VGLL4: variants seen among roughly 807,000 people sequenced by gnomAD.
The protein encoded by VGLL4 is transcription cofactor vestigial-like protein 4.
In VGLL4, 7 loss-of-function variants were observed where a neutral mutation model predicts 21.0. The ratio of observed to expected loss-of-function variants is 0.33; its 90% CI spans 0.19 to 0.63. The LOEUF is 0.63. Ranked by LOEUF, VGLL4 falls within the 20% of genes least tolerant of loss-of-function variation. VGLL4 has a pLI of 0.78. For missense variants in VGLL4, 394 were observed against 425.7 expected (o/e 0.93, Z 0.66); for synonymous variants, 222 against 173.2 (o/e 1.28, Z -2.21).
chr3:11,716,785 T>C (rs2076924445), intron 1 of VGLL4, among the ~76,000 whole-genome samples: 1 of 152,156 alleles, frequency 6.6e-6, no homozygotes, highest in African/African-American at 2.4e-5. Context: ...CTAGTTCTTA[T>C]GATACTGGGT....
At chr3:11,559,659 C>T (rs2072787839) in intron 3 of VGLL4, among the ~76,000 whole-genome samples, 1 of 152,206 alleles carries the variant, frequency 6.6e-6, no homozygotes, top group African/African-American at 2.4e-5. Context: ...TGTAGTGGCC[C>T]TTGGTCGTGG....
chr3:11,575,140 G>A (rs528907323), intron 2 of VGLL4, among the ~76,000 whole-genome samples: 113 of 152,320 alleles, frequency 7.4e-4, no homozygotes, highest in African/African-American at 2.6e-3. Flanking sequence ...GTGGCTGGCA[G>A]GTGGCAGAGT....
At chr3:11,644,197 C>T (rs766652016), upstream of VGLL4, among the ~76,000 whole-genome samples, 7 of 152,136 alleles carry the variant, frequency 4.6e-5, no homozygotes, top group Non-Finnish European at 1.0e-4. Flanking sequence ...GTAAAAAATC[C>T]ATCATGGAAG....
intron 2 of VGLL4, among the ~76,000 whole-genome samples, chr3:11,700,084 C>T (rs1300762524): frequency 3.9e-5 from 6 of 152,196 alleles, no homozygotes; most frequent in Admixed American, 3.9e-4. Flanking sequence ...TAAGCGTCTG[C>T]ACACAAACAT....
intron 1 of VGLL4, among the ~76,000 whole-genome samples, chr3:11,713,519 T>C (rs2124824013): frequency 6.6e-6 from 1 of 150,382 alleles, no homozygotes; most frequent in South Asian, 2.1e-4. Flanking sequence ...GAACAATATA[T>C]CTTCATGTTC....
intron 2 of VGLL4, among the ~76,000 whole-genome samples, chr3:11,591,500 C>T (rs888192365): frequency 2.3e-4 from 35 of 152,192 alleles, no homozygotes; most frequent in African/African-American, 8.0e-4. Context: ...CAGCTCTCTG[C>T]GAAGACTCTT....
chr3:11,686,196 TG>T (rs1249480970), intron 2 of VGLL4, among the ~76,000 whole-genome samples: 1 of 152,176 alleles, frequency 6.6e-6, no homozygotes, highest in Non-Finnish European at 1.5e-5. Context: ...CGAAAAGAAC[TG>T]AAAGCAGGCT....
chr3:11,670,789 G>A (rs968474228), intron 2 of VGLL4, among the ~76,000 whole-genome samples: 5 of 152,164 alleles, frequency 3.3e-5, no homozygotes, highest in African/African-American at 1.2e-4. Flanking sequence ...TGCAATCCCA[G>A]CACTTTGGGA....
In VGLL4 at chr3:11,583,645, C is replaced by A. The variant is rs939300834; in HGVS notation, c.272+18188G>T. ...AAAGAGGACAAAAAAAGAAGACAAC[C>A]CGGGAAGGAGTGGGCTGCAATCCCA... On this transcript the variant is annotated intron_variant, in intron 2 of 4. Coordinates refer to ENST00000430365, the MANE Select transcript of VGLL4 (RefSeq NM_001128219.3). 3.3e-5 allele frequency among the ~76,000 whole-genome samples: 5 copies of A among 152,216 alleles called. No individual in the cohort carries two copies. In the East Asian group the frequency reaches 9.7e-4, roughly 29 times the overall value.
chr3:11,685,605 T>A (rs1320178242), intron 2 of VGLL4, among the ~76,000 whole-genome samples: 1 of 152,230 alleles, frequency 6.6e-6, no homozygotes, highest in Non-Finnish European at 1.5e-5. Context: ...TATGGTAAAA[T>A]GATTTATATT....
chr3:11,716,670 C>T (rs1213862916), intron 1 of VGLL4, among the ~76,000 whole-genome samples: 1 of 152,160 alleles, frequency 6.6e-6, no homozygotes, highest in East Asian at 1.9e-4. Context: ...TGCTATTATT[C>T]TGTATTTCAA....
chr3:11,643,842 C>G lies in VGLL4; in HGVS notation c.-324G>C. ...GAGTGAAAAAGAGAAACGCGCAGCC[C>G]GTTTCCTAGGACAAAGCGGCGCCGG... On this transcript the variant is annotated 5_prime_UTR_variant, in exon 1 of 5. Coordinates refer to ENST00000430365, the MANE Select transcript of VGLL4 (RefSeq NM_001128219.3). The G allele has an allele frequency of 9.5e-7, 1 of 1,057,722 alleles. No homozygotes were observed. Among genetic ancestry groups the G allele is most frequent in the Non-Finnish European group, 1.1e-6 (1 of 875,942 alleles). 65.5% of individuals were successfully genotyped at this position (1,057,722 alleles called of 1,614,324 possible). A position where few individuals can be genotyped will look rare whatever the true frequency, so the allele number is the denominator to read the frequency against.
chr3:11,661,230 C>T (rs1028080902), intron 2 of VGLL4, among the ~76,000 whole-genome samples: 2 of 152,092 alleles, frequency 1.3e-5, no homozygotes, highest in African/African-American at 4.8e-5. Flanking sequence ...CAGTCACAAC[C>T]ACTCAGCAGG....
intron 2 of VGLL4, among the ~76,000 whole-genome samples, chr3:11,593,839 C>T (rs1037977529): frequency 2.6e-5 from 4 of 152,176 alleles, no homozygotes; most frequent in East Asian, 1.9e-4. Context: ...GGGGAGGCTG[C>T]GTTTTCTTTC....
intron 1 of VGLL4, among the ~76,000 whole-genome samples, chr3:11,704,872 G>A (rs1200018602): frequency 6.6e-6 from 1 of 152,212 alleles, no homozygotes; most frequent in East Asian, 1.9e-4. Context: ...TAGAAACAAA[G>A]TCCTACAGAA....
intron 1 of VGLL4, among the ~76,000 whole-genome samples, chr3:11,630,344 G>T (rs2075448782): frequency 6.6e-6 from 1 of 152,078 alleles, no homozygotes; most frequent in South Asian, 2.1e-4. Flanking sequence ...TCAATTATTG[G>T]TAAAGATTTA....
intron 2 of VGLL4, among the ~76,000 whole-genome samples, chr3:11,697,107 A>T (rs1394479091): frequency 1.3e-5 from 2 of 151,976 alleles, no homozygotes; most frequent in Non-Finnish European, 2.9e-5. Flanking sequence ...CACAATATGA[A>T]ATGGCTTTTT....
intron 1 of VGLL4, among the ~76,000 whole-genome samples, chr3:11,704,949 A>T (rs964582124): frequency 2.0e-5 from 3 of 152,226 alleles, no homozygotes; most frequent in Non-Finnish European, 2.9e-5. Context: ...TGAAGAACGA[A>T]TATAAAAGTT....
chr3:11,559,313 G>A lies in VGLL4; in HGVS notation c.619+19C>T. The A allele has an allele frequency of 6.6e-7, 1 of 1,520,464 alleles. No homozygotes were observed. The highest frequency in any genetic ancestry group is 2.1e-5 in the Admixed American group (1 of 46,894). The allele number at this position is 1,520,464 out of a possible 1,614,324, so 94.2% of individuals were successfully genotyped here. A position where few individuals can be genotyped will look rare whatever the true frequency, so the allele number is the denominator to read the frequency against. The stretch of plus-strand genomic sequence containing the variant: ...CCACTAGCACAGCTGTGACAGGTGA[G>A]GAGGCCCGGGACACTCACCGCTCGG... On this transcript the variant is annotated intron_variant, in intron 4 of 4. Transcript: ENST00000430365.
Sources: gnomAD v4.1 joint callset for allele counts (sites outside exome capture counted in the v4.1 genomes callset) on GRCh38, gnomAD v4.1.1 for gene constraint, MANE v1.5 for transcripts, NCBI Gene and HGNC (gene_info 2026-07-23, HGNC 2026-07-21) for gene names.